Variants in TNFAIP8L1 observed in about 807,000 individuals in gnomAD.
The protein encoded by TNFAIP8L1 is tumor necrosis factor alpha-induced protein 8-like protein 1.
For missense variants in TNFAIP8L1, 225 were observed against 266.1 expected, an observed-to-expected ratio of 0.85 and a Z score of 1.08; for synonymous variants, 127 against 125.6, an observed-to-expected ratio of 1.01 and a Z score of -0.08.
rs2088376252 is a variant in TNFAIP8L1, at chr19:4,652,319, A to AGCCT, written c.453_454insTGCC (p.Asp152CysfsTer87). 6.4e-7 allele frequency: 1 copy of AGCCT among 1,558,042 alleles called. No individual in the cohort carries two copies. Among genetic ancestry groups the AGCCT allele is most frequent in the Non-Finnish European group, 8.7e-7 (1 of 1,153,576 alleles). ...GCATCAACCACGTGTTCGGCCACCT[A>AGCCT]GCCGACTGCGACTTCCTGGCTGCGC... On this transcript the variant is annotated frameshift_variant, in exon 2 of 2. Transcript: ENST00000327473. LOFTEE classifies it low-confidence loss of function (END_TRUNC).
chr19:4,645,338 G>A lies in TNFAIP8L1; in HGVS notation c.-4+5709G>A, dbSNP rs139220394. Among the ~76,000 whole-genome samples, 2,916 of 146,840 alleles carry A rather than the reference G, an allele frequency of 0.02. 45 individuals are homozygous for A. The highest frequency in any genetic ancestry group is 0.075 in the Middle Eastern group (22 of 292). ...CGAGGCGAGTAGATCACTTGAGGCC[G>A]GGAGTTAGAGACCAGCCTGGCCGAC... On this transcript the variant is annotated intron_variant, in intron 1 of 1. Transcript: ENST00000327473. The surrounding 1 kb of genome is among the most constrained non-coding windows in gnomAD (Gnocchi z 4.1).
In TNFAIP8L1 at chr19:4,645,081, C is replaced by T. The variant is rs974324178; in HGVS notation, c.-4+5452C>T. On this transcript the variant is annotated intron_variant, in intron 1 of 1. Transcript: ENST00000327473. The surrounding 1 kb of genome is among the most constrained non-coding windows in gnomAD (Gnocchi z 4.1). ...GCTGGCGTGCACCTGCAGAGCAGATCCATCAATTATTGACACTCTGTGAGG... is the reference window on the plus strand; with the variant it reads ...GCTGGCGTGCACCTGCAGAGCAGATTCATCAATTATTGACACTCTGTGAGG... 6.6e-6 allele frequency among the ~76,000 whole-genome samples: 1 copy of T among 152,146 alleles called. No homozygotes were observed. The highest frequency in any genetic ancestry group is 1.5e-5 in the Non-Finnish European group (1 of 68,030).
At chr19:4,649,929 C>T (rs1207893352) in intron 1 of TNFAIP8L1, among the ~76,000 whole-genome samples, 1 of 152,242 alleles carries the variant, frequency 6.6e-6, no homozygotes, top group African/African-American at 2.4e-5. Context: ...GTGGGGGCTC[C>T]TGGGGTAGGT....
Position 4,652,737 on chromosome 19 carries a change from T to C in TNFAIP8L1, c.*307T>C. Reference sequence around the variant, plus strand: ...CCACGCCGACCCCTGGGTCGCTTGATGTAAAAGCCAAAAGCTGCTGCCTCC... The same window carrying C: ...CCACGCCGACCCCTGGGTCGCTTGACGTAAAAGCCAAAAGCTGCTGCCTCC... On this transcript the variant is annotated 3_prime_UTR_variant, in exon 2 of 2. Coordinates refer to ENST00000327473, the MANE Select transcript of TNFAIP8L1 (RefSeq NM_152362.3). 8.5e-6 allele frequency: 3 copies of C among 353,286 alleles called. No homozygotes were observed. Among genetic ancestry groups the C allele is most frequent in the Non-Finnish European group, 5.3e-6 (1 of 187,776 alleles). 21.9% of individuals were successfully genotyped at this position (353,286 alleles called of 1,614,324 possible). A position where few individuals can be genotyped will look rare whatever the true frequency, so the allele number is the denominator to read the frequency against.
chr19:4,639,756 G>A (rs912853022), intron 1 of TNFAIP8L1, 127 bp downstream of exon 1: 6 of 152,300 alleles, frequency 3.9e-5, no homozygotes, highest in Admixed American at 2.0e-4. Flanking sequence ...TCCTGCCTCA[G>A]TTTCCGTCTG....
chr19:4,652,461 G>T lies in TNFAIP8L1; in HGVS notation c.*31G>T. 6.8e-7 allele frequency: 1 copy of T among 1,475,400 alleles called. No individual in the cohort carries two copies. The highest frequency in any genetic ancestry group is 9.0e-7 in the Non-Finnish European group (1 of 1,110,650). 91.4% of individuals were successfully genotyped at this position (1,475,400 alleles called of 1,614,324 possible). A position where few individuals can be genotyped will look rare whatever the true frequency, so the allele number is the denominator to read the frequency against. On this transcript the variant is annotated 3_prime_UTR_variant, in exon 2 of 2. Transcript: ENST00000327473. ...GGCGCCGCCCAACCGCGCCCCTCGC[G>T]CCTTTTGGGGCTCTCCTGCTGGGCG...
chr19:4,651,771 T>C (rs1470127623), intron 1 of TNFAIP8L1, 96 bp from the exon 2 acceptor site: 1 of 1,361,514 alleles, frequency 7.3e-7, no homozygotes, highest in East Asian at 2.4e-5. Context: ...AGAAACAAAT[T>C]CCGTTAGGCC....
rs577376758 is a variant in TNFAIP8L1, at chr19:4,645,885, G to A, written c.-3-5982G>A. On this transcript the variant is annotated intron_variant, in intron 1 of 1. Transcript: ENST00000327473. The surrounding 1 kb of genome is among the most constrained non-coding windows in gnomAD (Gnocchi z 4.1). The stretch of plus-strand genomic sequence containing the variant: ...GACCTGGACAGAGGCTGTGGACAGG[G>A]CTGAGGCCTCCTGGCTGTTCCTGTA... Among the ~76,000 whole-genome samples the A allele has an allele frequency of 1.3e-5, 2 of 152,212 alleles. No homozygotes were observed. The highest frequency in any genetic ancestry group is 3.9e-4 in the East Asian group (2 of 5,172).
intron 1 of TNFAIP8L1, among the ~76,000 whole-genome samples, chr19:4,644,907 T>A (rs10423462): frequency 0.15 from 22,652 of 151,966 alleles, 2,182 homozygotes; most frequent in African/African-American, 0.28. Context: ...AGCCTGTGAG[T>A]CATGGGTCTT....
chr19:4,641,787 T>TA lies in TNFAIP8L1; in HGVS notation c.-4+2158_-4+2159insA, dbSNP rs1204079855. ...GATCCTTCCCCTCTGGGGTGGGCTCTGGGAGAGACGAGACTTGAACCCCAA... is the reference window on the plus strand; with the variant it reads ...GATCCTTCCCCTCTGGGGTGGGCTCTAGGGAGAGACGAGACTTGAACCCCAA... On this transcript the variant is annotated intron_variant, in intron 1 of 1. Coordinates refer to ENST00000327473, the MANE Select transcript of TNFAIP8L1 (RefSeq NM_152362.3). This position sits in a 1 kb window ranked among gnomAD's most constrained non-coding sequence, Gnocchi z 4.6. 6.6e-6 allele frequency: 1 copy of TA among 152,196 alleles called. No homozygotes were observed. Among genetic ancestry groups the TA allele is most frequent in the Non-Finnish European group, 1.5e-5 (1 of 68,062 alleles). The allele number at this position is 152,196 out of a possible 1,614,324, so 9.4% of individuals were successfully genotyped here. A position where few individuals can be genotyped will look rare whatever the true frequency, so the allele number is the denominator to read the frequency against.
intron 1 of TNFAIP8L1, among the ~76,000 whole-genome samples, chr19:4,647,609 CTTTTTTTT>C (rs57985958): frequency 1.2e-5 from 1 of 80,564 alleles, no homozygotes; most frequent in Admixed American, 1.5e-4. Context: ...GTGCACCTGG[CTTTTTTTT>C]TTTTTTTTTT....
At chr19:4,649,961 A>C (rs1378871427) in intron 1 of TNFAIP8L1, among the ~76,000 whole-genome samples, 1 of 152,178 alleles carries the variant, frequency 6.6e-6, no homozygotes, top group Non-Finnish European at 1.5e-5. Flanking sequence ...TGGCATTCCA[A>C]GGCTGGCAGC....
chr19:4,651,308 T>TATA, intron 1 of TNFAIP8L1, among the ~76,000 whole-genome samples: 1 of 152,028 alleles, frequency 6.6e-6, no homozygotes, highest in East Asian at 1.9e-4. Context: ...TCTGTTTGTT[T>TATA]ATAATAATAA....
In TNFAIP8L1 at chr19:4,653,339, C is replaced by G. The variant is rs111777530; in HGVS notation, c.*909C>G. The stretch of plus-strand genomic sequence containing the variant: ...GCGGGGGAGTGGGGGATTGAGGCCA[C>G]GTGCAGTGGCTCACTACTCTAATTC... On this transcript the variant is annotated 3_prime_UTR_variant, in exon 2 of 2. Coordinates refer to ENST00000327473, the MANE Select transcript of TNFAIP8L1 (RefSeq NM_152362.3). 0.19 allele frequency: 32,265 copies of G among 166,674 alleles called. 4,670 individuals carry two copies. Among genetic ancestry groups the G allele is most frequent in the African/African-American group, 0.43 (17,577 of 41,228 alleles). The allele number at this position is 166,674 out of a possible 1,614,324, so 10.3% of individuals were successfully genotyped here.
chr19:4,645,190 T>C lies in TNFAIP8L1; in HGVS notation c.-4+5561T>C, dbSNP rs186510374. 5.9e-5 allele frequency among the ~76,000 whole-genome samples: 9 copies of C among 152,294 alleles called. No homozygotes were observed. In the East Asian group the frequency reaches 1.7e-3, roughly 29 times the overall value. On this transcript the variant is annotated intron_variant, in intron 1 of 1. Coordinates refer to ENST00000327473, the MANE Select transcript of TNFAIP8L1 (RefSeq NM_152362.3). This position sits in a 1 kb window ranked among gnomAD's most constrained non-coding sequence, Gnocchi z 4.1. ...GCCAGCTCACCAGAGCCACCTCCTG[T>C]GTTTTCAGGAATTTTGCCATCTGGT...
chr19:4,643,292 A>G (rs934850436), intron 1 of TNFAIP8L1, among the ~76,000 whole-genome samples: 7 of 151,970 alleles, frequency 4.6e-5, no homozygotes, highest in African/African-American at 1.7e-4. Flanking sequence ...AAAAAAAAAA[A>G]AGTGGGTTGC....
Position 4,645,454 on chromosome 19 carries a change from T to TAGTC in TNFAIP8L1, c.-4+5826_-4+5829dup, listed in dbSNP as rs1243360971. On this transcript the variant is annotated intron_variant, in intron 1 of 1. Transcript: ENST00000327473. This position sits in a 1 kb window ranked among gnomAD's most constrained non-coding sequence, Gnocchi z 4.1. ...AGCTGGGTGTGGTGGCATGCACCTG[T>TAGTC]AGTCCTAGCTACTTGGGAGGCTGAG... Among the ~76,000 whole-genome samples, 1 of 152,136 alleles carries TAGTC rather than the reference T, an allele frequency of 6.6e-6. No homozygotes were observed. Among genetic ancestry groups the TAGTC allele is most frequent in the South Asian group, 2.1e-4 (1 of 4,822 alleles).
At chr19:4,649,062 T>A (rs528949296) in intron 1 of TNFAIP8L1, among the ~76,000 whole-genome samples, 1 of 151,574 alleles carries the variant, frequency 6.6e-6, no homozygotes, top group East Asian at 1.9e-4. Flanking sequence ...CCAAAGTAGC[T>A]GGGACTACAG....
intron 1 of TNFAIP8L1, among the ~76,000 whole-genome samples, chr19:4,646,844 A>G (rs1245279507): frequency 6.6e-6 from 1 of 152,036 alleles, no homozygotes; most frequent in African/African-American, 2.4e-5. Context: ...GTTAGCCAGG[A>G]TGGTCTCGAT....
Sources: gnomAD v4.1 joint callset for allele counts (sites outside exome capture counted in the v4.1 genomes callset) on GRCh38, gnomAD v4.1.1 for gene constraint, Gnocchi (gnomAD v3.1) non-coding constraint, MANE v1.5 for transcripts, NCBI Gene and HGNC (gene_info 2026-07-23, HGNC 2026-07-21) for gene names.